Variants in CCDC146 observed in about 807,000 individuals in gnomAD.
The protein encoded by CCDC146 is coiled-coil domain-containing protein 146.
Under a neutral mutation model 119.3 loss-of-function variants are expected in CCDC146, and 92 were observed. The ratio of observed to expected loss-of-function variants is 0.77; its 90% CI spans 0.65 to 0.92. The LOEUF is 0.92. Among genes scored for constraint, CCDC146 ranks in the 40% least tolerant of loss-of-function variants. CCDC146 has a pLI of 0.00. For synonymous variants in CCDC146, 372 were observed against 371.8 expected, an observed-to-expected ratio of 1.00 and a Z score of -0.01; for missense variants, 1,000 against 1,103.0, an observed-to-expected ratio of 0.91 and a Z score of 1.32.
Position 77,196,606 on chromosome 7 carries a change from G to C in CCDC146, c.156+28782G>C, listed in dbSNP as rs199775926. ...CAGCTGTGCCATTATAGTTACCAAC[G>C]TGTAAACGATATTTGAGAAACTCAT... On this transcript the variant is annotated intron_variant, in intron 2 of 18. Transcript: ENST00000285871. This position sits in a 1 kb window ranked among gnomAD's most constrained non-coding sequence, Gnocchi z 4.2. The C allele has an allele frequency of 1.9e-6, 3 of 1,613,942 alleles. No homozygotes were observed. Among genetic ancestry groups the C allele is most frequent in the African/African-American group, 1.3e-5 (1 of 74,922 alleles).
At chr7:77,225,177 A>AT (rs1243234138) in intron 2 of CCDC146, among the ~76,000 whole-genome samples, 5 of 152,212 alleles carry the variant, frequency 3.3e-5, no homozygotes, top group East Asian at 1.9e-4. Flanking sequence ...ACATTGATTC[A>AT]TTTTTTCTCT....
chr7:77,196,866 C>A lies in CCDC146; in HGVS notation c.156+29042C>A, dbSNP rs1222518432. 6.2e-7 allele frequency: 1 copy of A among 1,613,928 alleles called. No homozygotes were observed. The highest frequency in any genetic ancestry group is 1.7e-5 in the Admixed American group (1 of 59,996). ...ACTGTCCAGCCTCCCCCCATGGTCT[C>A]CATGTCACAGTAAACTTCAAAGCTA... is the stretch of plus-strand genomic sequence containing the variant. On this transcript the variant is annotated intron_variant, in intron 2 of 18. Coordinates refer to ENST00000285871, the MANE Select transcript of CCDC146 (RefSeq NM_020879.3). This position sits in a 1 kb window ranked among gnomAD's most constrained non-coding sequence, Gnocchi z 4.2.
At chr7:77,226,319 A>G (rs1430531899) in intron 2 of CCDC146, among the ~76,000 whole-genome samples, 1 of 152,228 alleles carries the variant, frequency 6.6e-6, no homozygotes, top group Non-Finnish European at 1.5e-5. Context: ...CCAACCCACT[A>G]GGTAATGTCA....
chr7:77,190,015 G>T (rs1791735294), intron 2 of CCDC146, among the ~76,000 whole-genome samples: 1 of 152,156 alleles, frequency 6.6e-6, no homozygotes, highest in Admixed American at 6.5e-5. Context: ...CTGCATGAGT[G>T]TAAGATTTTT....
intron 2 of CCDC146, among the ~76,000 whole-genome samples, chr7:77,172,631 C>A (rs1158636005): frequency 6.6e-6 from 1 of 152,306 alleles, no homozygotes; most frequent in Non-Finnish European, 1.5e-5. Flanking sequence ...CTTTTACAAT[C>A]TAGTCATTCA....
intron 18 of CCDC146, among the ~76,000 whole-genome samples, chr7:77,293,626 C>T (rs1456064780): frequency 6.6e-6 from 1 of 152,236 alleles, no homozygotes; most frequent in African/African-American, 2.4e-5. Context: ...ATTTTAGGTG[C>T]CATGCCTTCT....
At chr7:77,136,962 G>A (rs1005147653) in intron 1 of CCDC146, among the ~76,000 whole-genome samples, 2 of 152,040 alleles carry the variant, frequency 1.3e-5, no homozygotes, top group Non-Finnish European at 2.9e-5. Flanking sequence ...AAAATCAATA[G>A]ATGTAATCCA....
At chr7:77,193,643 G>A (rs1284947362) in intron 2 of CCDC146, 1 of 152,036 alleles carries the variant, frequency 6.6e-6, no homozygotes, top group African/African-American at 2.4e-5. Context: ...TTGAACAGAT[G>A]TGTCATTAAT....
In CCDC146 at chr7:77,279,067, G is replaced by T; in HGVS notation, c.1660G>T (p.Glu554Ter). The T allele has an allele frequency of 1.2e-6, 2 of 1,610,282 alleles. No homozygotes were observed. Among genetic ancestry groups the T allele is most frequent in the South Asian group, 2.2e-5 (2 of 90,130 alleles). The change falls in exon 13 of 19, where the codon GAA (glutamate) becomes TAA (stop). Residue 554 changes from glutamate (E) to a stop codon, truncating the protein, a stop_gained. Transcript: ENST00000285871. LOFTEE classifies it high-confidence loss of function. ...GCATAAAATGTCATTAAATGAACTTGAAATTCTGAGAAATAGTGCCGTTAG... is the reference window on the plus strand; with the variant it reads ...GCATAAAATGTCATTAAATGAACTTTAAATTCTGAGAAATAGTGCCGTTAG... Reference protein sequence around the residue: ...ERHKMSLNELEILRNSAVSQE... With the variant: ...ERHKMSLNEL
intron 1 of CCDC146, among the ~76,000 whole-genome samples, chr7:77,155,739 T>G (rs538565128): frequency 6.6e-6 from 1 of 152,242 alleles, no homozygotes; most frequent in Admixed American, 6.5e-5. Flanking sequence ...AATATTATTA[T>G]TAGGCGCCCT....
intron 1 of CCDC146, among the ~76,000 whole-genome samples, chr7:77,134,232 C>A (rs1790828702): frequency 6.6e-6 from 1 of 151,882 alleles, no homozygotes; most frequent in African/African-American, 2.4e-5. Flanking sequence ...AATGTAGTGT[C>A]ATTTGAAAGT....
At chr7:77,245,668 T>G (rs1304302591) in intron 4 of CCDC146, among the ~76,000 whole-genome samples, 1 of 152,194 alleles carries the variant, frequency 6.6e-6, no homozygotes, top group Non-Finnish European at 1.5e-5. Flanking sequence ...TCAGGGTTTA[T>G]TAGTTGTTTT....
chr7:77,175,704 T>C (rs1231678305), intron 2 of CCDC146, among the ~76,000 whole-genome samples: 2 of 151,272 alleles, frequency 1.3e-5, no homozygotes, highest in African/African-American at 4.9e-5. Context: ...TCTTAATCTA[T>C]TTAAAAGATA....
intron 17 of CCDC146, 85 bp downstream of exon 17, chr7:77,287,662 G>A: frequency 6.9e-7 from 1 of 1,442,540 alleles, no homozygotes; most frequent in Non-Finnish European, 9.5e-7. Context: ...TTTATTGAGA[G>A]AAGCACTGGA....
chr7:77,288,019 C>G (rs1221261867), intron 17 of CCDC146, among the ~76,000 whole-genome samples: 1 of 152,150 alleles, frequency 6.6e-6, no homozygotes, highest in African/African-American at 2.4e-5. Flanking sequence ...ACACCCAGAC[C>G]AACTGCACCA....
At chr7:77,178,623 T>C (rs1395483644) in intron 2 of CCDC146, among the ~76,000 whole-genome samples, 2 of 152,240 alleles carry the variant, frequency 1.3e-5, no homozygotes, top group Admixed American at 6.5e-5. Flanking sequence ...AATACAGTTT[T>C]AATCACCTCT....
intron 2 of CCDC146, among the ~76,000 whole-genome samples, chr7:77,192,468 G>A (rs569802427): frequency 7.9e-5 from 12 of 152,274 alleles, no homozygotes; most frequent in East Asian, 1.9e-4. Context: ...AAAGAGGATG[G>A]CATTCTATCT....
chr7:77,238,269 A>T lies in CCDC146; in HGVS notation c.239+1240A>T, dbSNP rs192220716. ...TTCTCAGAGTTCTCAAGGCTCAGGA[A>T]TTTTGAGACTTTAAGTGGAAAGTCT... On this transcript the variant is annotated intron_variant, in intron 3 of 18. Transcript: ENST00000285871. Among the ~76,000 whole-genome samples the T allele has an allele frequency of 1.7e-3, 258 of 152,264 alleles. 1 individual carries two copies. Among genetic ancestry groups the T allele is most frequent in the Non-Finnish European group, 2.9e-3 (196 of 68,008 alleles).
At chr7:77,238,261 G>T (rs1792776732) in intron 3 of CCDC146, among the ~76,000 whole-genome samples, 1 of 152,094 alleles carries the variant, frequency 6.6e-6, no homozygotes, top group Non-Finnish European at 1.5e-5. Context: ...AGTTCTCAAG[G>T]CTCAGGAATT....
Sources: gnomAD v4.1 joint callset for allele counts (sites outside exome capture counted in the v4.1 genomes callset) on GRCh38, gnomAD v4.1.1 for gene constraint, Gnocchi (gnomAD v3.1) non-coding constraint, MANE v1.5 for transcripts, NCBI Gene and HGNC (gene_info 2026-07-23, HGNC 2026-07-21) for gene names.